The following PDE6A variants were observed in gnomAD, a reference collection of about 807,000 sequenced individuals.
The protein encoded by PDE6A is phosphodiesterase 6A.
A neutral mutation model predicts 106.3 loss-of-function variants in PDE6A; 84 were observed. That is an observed-to-expected ratio of 0.79 (90% CI 0.66 to 0.95). The LOEUF (loss-of-function observed/expected upper bound fraction) is 0.95, where lower values mean the gene tolerates loss of function less well. Ranked by LOEUF, PDE6A falls within the 40% of genes least tolerant of loss-of-function variation. The pLI, the probability that PDE6A is intolerant of heterozygous loss-of-function variation, is 0.00. For synonymous variants in PDE6A, 394 were observed against 386.6 expected (o/e 1.02, Z -0.23); for missense variants, 1,052 against 1,084.9 (o/e 0.97, Z 0.43).
In PDE6A at chr5:149,863,787, G is replaced by A. The variant is rs904004428; in HGVS notation, c.2359-521C>T. 1.3e-5 allele frequency among the ~76,000 whole-genome samples: 2 copies of A among 151,794 alleles called. No homozygotes were observed. The highest frequency in any genetic ancestry group is 4.8e-5 in the African/African-American group (2 of 41,354). ...TACAGGCTCATGCCACCACACCCAG[G>A]TAATTTTTTTTATTTTTGTAGATAC... On this transcript the variant is annotated intron_variant, in intron 20 of 21. Coordinates refer to ENST00000255266, the MANE Select transcript of PDE6A (RefSeq NM_000440.3). The surrounding 1 kb of genome is among the most constrained non-coding windows in gnomAD (Gnocchi z 4.7).
chr5:149,858,403 G>C lies in PDE6A; in HGVS notation c.*2492C>G, dbSNP rs548763561. On this transcript the variant is annotated 3_prime_UTR_variant, in exon 22 of 22. Coordinates refer to ENST00000255266, the MANE Select transcript of PDE6A (RefSeq NM_000440.3). Reference sequence around the variant, plus strand: ...TGCTGTTTTCAACATCAGTTACTATGGTATGAATGCTGATCAGGCCAGTGC... The same window carrying C: ...TGCTGTTTTCAACATCAGTTACTATCGTATGAATGCTGATCAGGCCAGTGC... 1 of 152,286 alleles carries C rather than the reference G, an allele frequency of 6.6e-6. No individual in the cohort carries two copies. Among genetic ancestry groups the C allele is most frequent in the South Asian group, 2.1e-4 (1 of 4,828 alleles). The allele number at this position is 152,286 out of a possible 1,614,324, so 9.4% of individuals were successfully genotyped here.
At chr5:149,918,772 C>T (rs117927089) in intron 5 of PDE6A, among the ~76,000 whole-genome samples, 18 of 151,806 alleles carry the variant, frequency 1.2e-4, no homozygotes, top group Admixed American at 2.6e-4. Flanking sequence ...TCACCATGCC[C>T]GGCTACTTTT....
At chr5:149,897,672 A>G (rs1752804896) in intron 10 of PDE6A, among the ~76,000 whole-genome samples, 1 of 152,050 alleles carries the variant, frequency 6.6e-6, no homozygotes, top group Non-Finnish European at 1.5e-5. Flanking sequence ...TTTGACCTCC[A>G]TGGGCTCAGG....
chr5:149,875,776 C>G (rs911812181), intron 17 of PDE6A, among the ~76,000 whole-genome samples: 1 of 152,216 alleles, frequency 6.6e-6, no homozygotes, highest in Admixed American at 6.5e-5. Flanking sequence ...CATGTGGCCA[C>G]TGTGCCTGGC....
chr5:149,901,301 G>A (rs997844859), intron 8 of PDE6A, among the ~76,000 whole-genome samples: 2 of 152,140 alleles, frequency 1.3e-5, no homozygotes, highest in African/African-American at 4.8e-5. Context: ...GGCCAAGGCA[G>A]GCAGATCACC....
intron 13 of PDE6A, among the ~76,000 whole-genome samples, chr5:149,887,029 G>T (rs768520181): frequency 2.0e-5 from 3 of 152,196 alleles, no homozygotes; most frequent in Non-Finnish European, 2.9e-5. Flanking sequence ...CAGCCAAGGG[G>T]GAAGGGATGA....
At chr5:149,866,739 A>G (rs941730752) in intron 19 of PDE6A, 1 of 162,980 alleles carries the variant, frequency 6.1e-6, no homozygotes, top group Non-Finnish European at 1.4e-5. Context: ...TTTTGTCCAT[A>G]TGAAGCTCTT....
chr5:149,867,896 G>A, intron 18 of PDE6A, 97 bp from the exon 19 acceptor site: 1 of 1,269,382 alleles, frequency 7.9e-7, no homozygotes, highest in Non-Finnish European at 1.1e-6. Context: ...TCAACAAAAA[G>A]GATAAACCCA....
At chr5:149,942,409 A>T (rs1388084403) in intron 1 of PDE6A, among the ~76,000 whole-genome samples, 1 of 152,056 alleles carries the variant, frequency 6.6e-6, no homozygotes, top group Non-Finnish European at 1.5e-5. Flanking sequence ...ACCCCACCTT[A>T]GGCAGCCTGG....
At chr5:149,898,543 A>C in intron 9 of PDE6A, 37 bp from the exon 10 acceptor site, 1 of 1,595,026 alleles carries the variant, frequency 6.3e-7, no homozygotes, top group South Asian at 1.1e-5. Flanking sequence ...GAGACAGAAC[A>C]CCTAAGTTTA....
intron 4 of PDE6A, among the ~76,000 whole-genome samples, chr5:149,929,125 T>C (rs537080663): frequency 3.7e-4 from 57 of 152,306 alleles, no homozygotes; most frequent in Middle Eastern, 3.4e-3. Flanking sequence ...GGTAAATACC[T>C]AACAGAAAGG....
At chr5:149,926,803 C>T (rs977359693) in intron 4 of PDE6A, among the ~76,000 whole-genome samples, 1 of 151,986 alleles carries the variant, frequency 6.6e-6, no homozygotes, top group Non-Finnish European at 1.5e-5. Context: ...CATAGTAAAA[C>T]CCTGTCTCTA....
Position 149,863,000 on chromosome 5 carries a change from A to G in PDE6A, c.2506+119T>C, listed in dbSNP as rs564078905. 1.7e-4 allele frequency: 206 copies of G among 1,186,870 alleles called. No homozygotes were observed. In the East Asian group the frequency reaches 4.4e-3, roughly 25 times the overall value. 73.5% of individuals were successfully genotyped at this position (1,186,870 alleles called of 1,614,324 possible). A position where few individuals can be genotyped will look rare whatever the true frequency, so the allele number is the denominator to read the frequency against. ...GTGCTCTCACACACAGAATGGGGAC[A>G]GTATTGGCCATCAGGAGGCCTGAAT... On this transcript the variant is annotated intron_variant, in intron 21 of 21. Coordinates refer to ENST00000255266, the MANE Select transcript of PDE6A (RefSeq NM_000440.3).
At chr5:149,873,580 C>T (rs1760634624) in intron 17 of PDE6A, among the ~76,000 whole-genome samples, 1 of 152,194 alleles carries the variant, frequency 6.6e-6, no homozygotes, top group Non-Finnish European at 1.5e-5. Flanking sequence ...GATCCGCCCG[C>T]CTTGGCCTCC....
At chr5:149,907,431 A>G (rs1272856338) in intron 6 of PDE6A, 53 bp from the exon 7 acceptor site, 9 of 1,457,194 alleles carry the variant, frequency 6.2e-6, no homozygotes, top group Middle Eastern at 3.4e-4. Flanking sequence ...TTGCTGGACT[A>G]AAGACTAAAA....
chr5:149,863,001 G>A lies in PDE6A; in HGVS notation c.2506+118C>T. 1 of 1,212,684 alleles carries A rather than the reference G, an allele frequency of 8.2e-7. No homozygotes were observed. The highest frequency in any genetic ancestry group is 1.2e-6 in the Non-Finnish European group (1 of 817,166). The allele number at this position is 1,212,684 out of a possible 1,614,324, so 75.1% of individuals were successfully genotyped here. On this transcript the variant is annotated intron_variant, in intron 21 of 21. Transcript: ENST00000255266. This position sits in a 1 kb window ranked among gnomAD's most constrained non-coding sequence, Gnocchi z 4.7. Reference sequence around the variant, plus strand: ...TGCTCTCACACACAGAATGGGGACAGTATTGGCCATCAGGAGGCCTGAATG... The same window carrying A: ...TGCTCTCACACACAGAATGGGGACAATATTGGCCATCAGGAGGCCTGAATG...
intron 14 of PDE6A, among the ~76,000 whole-genome samples, chr5:149,885,741 A>C (rs779201371): frequency 1.3e-5 from 2 of 152,220 alleles, no homozygotes; most frequent in Non-Finnish European, 2.9e-5. Flanking sequence ...TAAAGCAATA[A>C]AATTTATTAT....
intron 20 of PDE6A, among the ~76,000 whole-genome samples, chr5:149,864,462 G>A (rs543264190): frequency 2.6e-5 from 4 of 151,794 alleles, no homozygotes; most frequent in African/African-American, 4.8e-5. Flanking sequence ...GGCTGGTCTC[G>A]AACTCCTGAC....
chr5:149,887,217 T>C (rs1299097926), intron 13 of PDE6A, among the ~76,000 whole-genome samples: 1 of 152,136 alleles, frequency 6.6e-6, no homozygotes, highest in East Asian at 1.9e-4. Context: ...GACTTCCAAG[T>C]CCAACAATAG....
Sources: allele counts gnomAD v4.1 joint callset (sites outside exome capture counted in the v4.1 genomes callset), GRCh38; gene constraint gnomAD v4.1.1; non-coding constraint Gnocchi (gnomAD v3.1); transcripts MANE v1.5; gene names NCBI Gene and HGNC (gene_info 2026-07-23, HGNC 2026-07-21).